The following EFTUD2 variants were observed in gnomAD, a reference collection of about 807,000 sequenced individuals.
The protein encoded by EFTUD2 is elongation factor Tu GTP binding domain containing 2.
Under a neutral mutation model 114.3 loss-of-function variants are expected in EFTUD2, and 9 were observed. That is an observed-to-expected ratio of 0.08 (90% CI 0.05 to 0.14). The LOEUF is 0.14. Ranked by LOEUF, EFTUD2 falls within the 10% of genes least tolerant of loss-of-function variation. The pLI is 1.00. For synonymous variants in EFTUD2, 449 were observed against 462.3 expected (o/e 0.97, Z 0.37); for missense variants, 765 against 1,241.2 (o/e 0.62, Z 5.76).
intron 11 of EFTUD2, among the ~76,000 whole-genome samples, chr17:44,869,333 TTGTC>T (rs1270932956): frequency 1.3e-5 from 2 of 152,184 alleles, no homozygotes; most frequent in African/African-American, 4.8e-5. Flanking sequence ...GGGTCTTGCT[TTGTC>T]ATCCACACTG....
chr17:44,890,972 G>A (rs769591872), intron 2 of EFTUD2, among the ~76,000 whole-genome samples: 11 of 151,770 alleles, frequency 7.2e-5, no homozygotes, highest in East Asian at 1.9e-4. Flanking sequence ...TATTAATTAC[G>A]GCGAGGGAAG....
Position 44,863,918 on chromosome 17 carries a change from A to G in EFTUD2, c.1286-136T>C, listed in dbSNP as rs888250618. 56 of 1,163,960 alleles carry G rather than the reference A, an allele frequency of 4.8e-5. 1 individual carries two copies. Among genetic ancestry groups the G allele is most frequent in the Non-Finnish European group, 6.2e-5 (53 of 850,412 alleles). 72.1% of individuals were successfully genotyped at this position (1,163,960 alleles called of 1,614,324 possible). On this transcript the variant is annotated intron_variant, in intron 14 of 27. Coordinates refer to ENST00000426333, the MANE Select transcript of EFTUD2 (RefSeq NM_004247.4). ...TTAGCTCTAAAAGCTCTGGCACTAT[A>G]GATAGTGATAGCCTGCTTCCTGGGA... is the stretch of plus-strand genomic sequence containing the variant.
chr17:44,855,032 G>T lies in EFTUD2; in HGVS notation c.2046-28C>A. 2.5e-6 allele frequency: 4 copies of T among 1,590,988 alleles called. No individual in the cohort carries two copies. The South Asian group carries it at 4.4e-5, about 18-fold the overall frequency. ...GGTCAGAATGGAAATGGGTGGTAAG[G>T]ACGGCTAACAGAACAGCAGAAGAGG... On this transcript the variant is annotated intron_variant, in intron 20 of 27. Transcript: ENST00000426333.
At chr17:44,852,695 T>C in intron 25 of EFTUD2, 133 bp from the exon 26 acceptor site, 1 of 1,184,110 alleles carries the variant, frequency 8.4e-7, no homozygotes, top group South Asian at 1.6e-5. Flanking sequence ...CCAAGAATGT[T>C]CTACAAAAAG....
chr17:44,854,732 G>C lies in EFTUD2; in HGVS notation c.2133-50C>G. 1 of 1,596,488 alleles carries C rather than the reference G, an allele frequency of 6.3e-7. No individual in the cohort carries two copies. The highest frequency in any genetic ancestry group is 8.6e-7 in the Non-Finnish European group (1 of 1,169,180). Reference sequence around the variant, plus strand: ...GCTGTCAGCCAGCTCTGTGATTGCTGGTCCTGGAGCCACAGACCCTCCCTT... The same window carrying C: ...GCTGTCAGCCAGCTCTGTGATTGCTCGTCCTGGAGCCACAGACCCTCCCTT... On this transcript the variant is annotated intron_variant, in intron 21 of 27. Transcript: ENST00000426333. The surrounding 1 kb of genome is among the most constrained non-coding windows in gnomAD (Gnocchi z 4.3).
intron 2 of EFTUD2, among the ~76,000 whole-genome samples, chr17:44,891,291 G>A (rs1046512971): frequency 3.9e-5 from 6 of 152,212 alleles, no homozygotes; most frequent in Admixed American, 3.9e-4. Context: ...TAACAGCAGA[G>A]CTCTCACAGC....
chr17:44,859,564 C>T (rs1471571144), intron 18 of EFTUD2: 7 of 493,224 alleles, frequency 1.4e-5, no homozygotes, highest in African/African-American at 3.9e-5. Context: ...CTTCTCTTCT[C>T]GAGAAAATCA....
intron 1 of EFTUD2, among the ~76,000 whole-genome samples, chr17:44,897,611 C>A (rs1177123796): frequency 6.6e-6 from 1 of 152,150 alleles, no homozygotes; most frequent in African/African-American, 2.4e-5. Flanking sequence ...GTTGCCTAGG[C>A]TGGAGTGCAG....
chr17:44,868,646 T>C (rs1310360967), intron 11 of EFTUD2, among the ~76,000 whole-genome samples: 2 of 152,236 alleles, frequency 1.3e-5, no homozygotes, highest in South Asian at 2.1e-4. Context: ...TTTCCTTCGA[T>C]GGAACAGGGT....
intron 12 of EFTUD2, 122 bp from the exon 13 acceptor site, chr17:44,868,019 A>T: frequency 9.6e-7 from 1 of 1,038,622 alleles, no homozygotes; most frequent in East Asian, 2.7e-5. Context: ...GTGTGACTGT[A>T]AAGTTTCCAG....
At chr17:44,853,894 G>T (rs1234204939) in intron 23 of EFTUD2, 2 of 1,375,682 alleles carry the variant, frequency 1.5e-6, no homozygotes, top group Non-Finnish European at 1.9e-6. Context: ...TCCTTCTTCT[G>T]CACATATTTA....
intron 5 of EFTUD2, 84 bp downstream of exon 5, chr17:44,883,565 T>C: frequency 3.0e-6 from 4 of 1,337,190 alleles, no homozygotes; most frequent in Non-Finnish European, 4.3e-6. Flanking sequence ...ACCTCAAACC[T>C]CAACCGCTGT....
At chr17:44,889,829 A>G (rs993344336) in intron 2 of EFTUD2, among the ~76,000 whole-genome samples, 3 of 152,192 alleles carry the variant, frequency 2.0e-5, no homozygotes, top group Non-Finnish European at 2.9e-5. Flanking sequence ...CCAAATAGCT[A>G]TCAAGCCAGT....
chr17:44,865,461 C>T (rs2050729160), intron 13 of EFTUD2, among the ~76,000 whole-genome samples: 1 of 152,206 alleles, frequency 6.6e-6, no homozygotes, highest in African/African-American at 2.4e-5. Flanking sequence ...GGTCACCTTG[C>T]TGTGGATCCT....
At chr17:44,896,564 T>C (rs1222047699) in intron 1 of EFTUD2, among the ~76,000 whole-genome samples, 1 of 152,150 alleles carries the variant, frequency 6.6e-6, no homozygotes, top group Non-Finnish European at 1.5e-5. Context: ...GGAGAATCAC[T>C]TGAATCCAGG....
chr17:44,890,008 AT>A (rs1170140704), intron 2 of EFTUD2, among the ~76,000 whole-genome samples: 4 of 151,960 alleles, frequency 2.6e-5, no homozygotes, highest in Non-Finnish European at 4.4e-5. Context: ...CTAATTTTTA[AT>A]TTTTTTATTT....
chr17:44,883,011 G>C, intron 6 of EFTUD2, 82 bp downstream of exon 6: 1 of 1,376,832 alleles, frequency 7.3e-7, no homozygotes, highest in Non-Finnish European at 1.0e-6. Context: ...TAGAGAACAG[G>C]AAGGGTGAAG....
rs754538998 is a variant in EFTUD2 at position 44,860,564 on chromosome 17, C to T, written c.1608-21G>A. 3.3e-6 allele frequency: 5 copies of T among 1,503,752 alleles called. No individual in the cohort carries two copies. In the Admixed American group the frequency reaches 5.0e-5, roughly 15 times the overall value. The allele number at this position is 1,503,752 out of a possible 1,614,324, so 93.2% of individuals were successfully genotyped here. On this transcript the variant is annotated intron_variant, in intron 16 of 27. Coordinates refer to ENST00000426333, the MANE Select transcript of EFTUD2 (RefSeq NM_004247.4). ...GGTACCTGAAGCAATGTCCAATAAG[C>T]AGCAGTGAAACTTAGGCAGAGCATT...
At chr17:44,878,556 T>A (rs912627624) in intron 9 of EFTUD2, among the ~76,000 whole-genome samples, 1 of 152,240 alleles carries the variant, frequency 6.6e-6, no homozygotes. Flanking sequence ...TGTATCAATG[T>A]CAAATTTTCT....
Sources: gnomAD v4.1 joint callset for allele counts (sites outside exome capture counted in the v4.1 genomes callset) on GRCh38, gnomAD v4.1.1 for gene constraint, Gnocchi (gnomAD v3.1) non-coding constraint, MANE v1.5 for transcripts, NCBI Gene and HGNC (gene_info 2026-07-23, HGNC 2026-07-21) for gene names.